NLRC4: variants seen among roughly 807,000 people sequenced by gnomAD.
NLRC4 encodes the protein NLR family CARD domain-containing protein 4.
In NLRC4, 63 loss-of-function variants were observed where a neutral mutation model predicts 79.9. That is an observed-to-expected ratio of 0.79 (90% CI 0.64 to 0.97). The LOEUF (loss-of-function observed/expected upper bound fraction) is 0.97, where lower values mean the gene tolerates loss of function less well. Among genes scored for constraint, NLRC4 ranks in the 50% least tolerant of loss-of-function variants. The pLI is 0.00. For synonymous variants in NLRC4, 461 were observed against 456.5 expected (o/e 1.01, Z -0.12); for missense variants, 1,074 against 1,215.2 (o/e 0.88, Z 1.73).
rs1687079149 is a variant in NLRC4, at chr2:32,251,572, A to C, written c.292T>G (p.Leu98Val). The C allele has an allele frequency of 6.2e-7, 1 of 1,607,078 alleles. No homozygotes were observed. Among genetic ancestry groups the C allele is most frequent in the Admixed American group, 1.7e-5 (1 of 58,890 alleles). The change falls in exon 4 of 9, where the codon TTG (leucine) becomes GTG (valine). Residue 98 changes from leucine to valine, a missense_variant. By Grantham distance (32) the Leu-to-Val change is conservative. Transcript: ENST00000402280. Reference protein sequence around the residue: ...SLFHQTSEGDLDDLAQDLKDL... With the variant: ...SLFHQTSEGDVDDLAQDLKDL... The stretch of plus-strand genomic sequence containing the variant: ...TTTAAATCCTGAGCCAAATCGTCCA[A>C]GTCTCCTTCTGATGTCTGATGAAAA...
chr2:32,249,911 CA>C lies in NLRC4; in HGVS notation c.1952del (p.Leu651CysfsTer22). On this transcript the variant is annotated frameshift_variant, in exon 4 of 9. Coordinates refer to ENST00000402280, the MANE Select transcript of NLRC4 (RefSeq NM_001199138.2). LOFTEE classifies it high-confidence loss of function. ...ETYIPSRAVS[L>X]FFNWKQEFRT... ...TGAATTCCTGCTTCCAGTTGAAGAA[CA>C]AAGATACAGCCCTGCTGGGAATGTA... 6.2e-7 allele frequency: 1 copy of C among 1,614,228 alleles called. No homozygotes were observed. Among genetic ancestry groups the C allele is most frequent in the Non-Finnish European group, 8.5e-7 (1 of 1,180,056 alleles).
intron 8 of NLRC4, among the ~76,000 whole-genome samples, chr2:32,230,471 ATTTT>A (rs58666767): frequency 7.9e-6 from 1 of 126,652 alleles, no homozygotes; most frequent in Admixed American, 8.2e-5. Context: ...AGCCCCCGCT[ATTTT>A]TTTTTTTTTT....
intron 4 of NLRC4, among the ~76,000 whole-genome samples, chr2:32,248,896 A>G (rs372218436): frequency 3.3e-5 from 5 of 152,258 alleles, no homozygotes; most frequent in East Asian, 1.9e-4. Context: ...ACAATTCGCA[A>G]CTCATCCAGC....
intron 5 of NLRC4, 80 bp downstream of exon 5, chr2:32,240,950 GACA>G: frequency 2.4e-6 from 2 of 833,746 alleles, no homozygotes; most frequent in Non-Finnish European, 4.0e-6. Context: ...GCCTTGTGCA[GACA>G]CAGCCAATGT....
Position 32,251,439 on chromosome 2 carries a change from T to G in NLRC4, c.425A>C (p.Lys142Thr). Residue 142 changes from lysine (K) to threonine (T), a missense_variant, in exon 4 of 9, where the codon AAG (lysine) becomes ACG (threonine). Physicochemically the swap from Lys to Thr is moderately conservative, Grantham distance 78. Coordinates refer to ENST00000402280, the MANE Select transcript of NLRC4 (RefSeq NM_001199138.2). ...STFTEPVLWR[K>T]DQHHHRVEQL... is the part of the protein sequence containing the mutation. The stretch of plus-strand genomic sequence containing the variant: ...CTCCACGCGGTGATGGTGTTGGTCC[T>G]TCCTCCACAGGACAGGTTCTGTGAA... The G allele has an allele frequency of 6.2e-7, 1 of 1,614,132 alleles. No homozygotes were observed. Among genetic ancestry groups the G allele is most frequent in the Non-Finnish European group, 8.5e-7 (1 of 1,180,024 alleles).
intron 2 of NLRC4, among the ~76,000 whole-genome samples, chr2:32,253,507 G>A (rs925078808): frequency 2.0e-5 from 3 of 152,178 alleles, no homozygotes; most frequent in African/African-American, 7.2e-5. Flanking sequence ...CTTTGGTGAA[G>A]AAGTAAGGTG....
intron 2 of NLRC4, among the ~76,000 whole-genome samples, chr2:32,253,824 TGTG>T (rs1212487313): frequency 6.6e-6 from 1 of 150,652 alleles, no homozygotes; most frequent in Non-Finnish European, 1.5e-5. Context: ...ATTAGCCAGG[TGTG>T]GTGGTGCATG....
intron 2 of NLRC4, 85 bp from the exon 3 acceptor site, chr2:32,252,764 A>G (rs994053618): frequency 8.3e-7 from 1 of 1,200,642 alleles, no homozygotes; most frequent in African/African-American, 1.5e-5. Context: ...CACGCCTGTA[A>G]TCCCAGCACT....
At chr2:32,264,610 A>G (rs1474200494) in intron 1 of NLRC4, 128 bp downstream of exon 1, 3 of 151,996 alleles carry the variant, frequency 2.0e-5, no homozygotes, top group East Asian at 3.9e-4. Flanking sequence ...CCAGCCAGGC[A>G]TGCAAATCAC....
intron 4 of NLRC4, among the ~76,000 whole-genome samples, chr2:32,247,022 T>A (rs951523059): frequency 6.6e-6 from 1 of 152,146 alleles, no homozygotes; most frequent in Non-Finnish European, 1.5e-5. Context: ...CCTCCCAAAG[T>A]GTTGGAATTA....
rs570291759 is a variant in NLRC4, at chr2:32,238,733, C to T, written c.2351-431G>A. On this transcript the variant is annotated intron_variant, in intron 5 of 8. Coordinates refer to ENST00000402280, the MANE Select transcript of NLRC4 (RefSeq NM_001199138.2). The stretch of plus-strand genomic sequence containing the variant: ...GGAGTGCTTCTAGTGCAACTGTCTA[C>T]AGCCTCAAAAGCCTTGCCTGGACTC... 5.6e-4 allele frequency among the ~76,000 whole-genome samples: 85 copies of T among 152,236 alleles called. 2 individuals are homozygous for T. Among genetic ancestry groups the T allele is most frequent in the Admixed American group, 5.6e-3 (85 of 15,290 alleles).
intron 1 of NLRC4, among the ~76,000 whole-genome samples, chr2:32,261,179 C>G (rs968703084): frequency 6.7e-6 from 1 of 148,466 alleles, no homozygotes; most frequent in Non-Finnish European, 1.5e-5. Context: ...GGCGACAGAG[C>G]GAGACTCCAT....
intron 8 of NLRC4, among the ~76,000 whole-genome samples, chr2:32,225,245 G>A (rs1686353005): frequency 6.6e-6 from 1 of 152,036 alleles, no homozygotes; most frequent in African/African-American, 2.4e-5. Context: ...AAAGATTTGG[G>A]TGTTTTTGTT....
chr2:32,254,257 T>A (rs930441938), intron 2 of NLRC4, among the ~76,000 whole-genome samples: 1 of 152,056 alleles, frequency 6.6e-6, no homozygotes, highest in Admixed American at 6.5e-5. Flanking sequence ...CAATAATTCA[T>A]GTATAGTATC....
chr2:32,224,795 A>T, intron 8 of NLRC4, 30 bp from the exon 9 acceptor site: 12 of 1,140,430 alleles, frequency 1.1e-5, no homozygotes, highest in Non-Finnish European at 1.4e-5. Flanking sequence ...TATTAGTTGG[A>T]AGAAAAATTT....
chr2:32,231,582 G>C (rs1167291603), intron 8 of NLRC4, among the ~76,000 whole-genome samples: 1 of 106,678 alleles, frequency 9.4e-6, no homozygotes, highest in East Asian at 3.3e-4. Flanking sequence ...TGTGGGGGGG[G>C]GGTGGGGGAC....
At chr2:32,226,935 C>G (rs79274122) in intron 8 of NLRC4, among the ~76,000 whole-genome samples, 7,541 of 152,136 alleles carry the variant, frequency 0.05, 224 homozygotes, top group Middle Eastern at 0.13. Flanking sequence ...AAAACTGTCT[C>G]TCCTTATTCC....
intron 2 of NLRC4, among the ~76,000 whole-genome samples, chr2:32,256,090 G>T (rs952309691): frequency 6.6e-6 from 1 of 151,822 alleles, no homozygotes; most frequent in Non-Finnish European, 1.5e-5. Flanking sequence ...ATATCTCCTT[G>T]TATGTAGACC....
chr2:32,241,123 C>A lies in NLRC4; in HGVS notation c.2260G>T (p.Gly754Cys). ...AAGTTACCCAAGCTGTCAGTCAGAC[C>A]ACCTGTCAAAAGAAAAAAGATTGGA... ...HDLQNQRLPG[G>C]LTDSLGNLKN... Residue 754 changes from glycine (G) to cysteine (C), a missense_variant and splice_region_variant, in exon 5 of 9, where the codon GGT becomes TGT. By Grantham distance (159) the Gly-to-Cys change is radical (BLOSUM62 -3). Coordinates refer to ENST00000402280, the MANE Select transcript of NLRC4 (RefSeq NM_001199138.2). 2 of 1,591,882 alleles carry A rather than the reference C, an allele frequency of 1.3e-6. No homozygotes were observed. The highest frequency in any genetic ancestry group is 2.2e-5 in the South Asian group (2 of 89,484).
Sources: gnomAD v4.1 joint callset for allele counts (sites outside exome capture counted in the v4.1 genomes callset) on GRCh38, gnomAD v4.1.1 for gene constraint, MANE v1.5 for transcripts, NCBI Gene and HGNC (gene_info 2026-07-23, HGNC 2026-07-21) for gene names.